The following ERICH2 variants were observed in gnomAD, a reference collection of about 807,000 sequenced individuals.
The protein encoded by ERICH2 is glutamate-rich protein 2.
Under a neutral mutation model 17.4 loss-of-function variants are expected in ERICH2, and 17 were observed. That is an observed-to-expected ratio of 0.98 (90% confidence interval 0.67 to 1.47). The LOEUF (loss-of-function observed/expected upper bound fraction) is 1.47, where lower values mean the gene tolerates loss of function less well. Ranked by LOEUF, ERICH2 falls within the 40% of genes most tolerant of loss-of-function variation. ERICH2 has a pLI of 0.00. For missense variants in ERICH2, 186 were observed against 183.2 expected (o/e 1.01, Z -0.09); for synonymous variants, 51 against 61.1 (o/e 0.83, Z 0.77).
upstream of ERICH2, among the ~76,000 whole-genome samples, chr2:170,782,088 A>T (rs749195116): frequency 3.3e-5 from 5 of 151,796 alleles, no homozygotes; most frequent in South Asian, 8.3e-4. Context: ...AATAATTTGT[A>T]ATGCTTTTCC....
At chr2:170,770,829 GCCCGC>G in the ERICH2 span, 5 of 130,318 alleles carry the variant, frequency 3.8e-5, no homozygotes, top group Non-Finnish European at 6.6e-5. Flanking sequence ...CAGCTCGGCC[GCCCGC>G]CCCGCCCCGC....
upstream of ERICH2, chr2:170,779,955 T>A (rs2105681305): frequency 2.0e-6 from 1 of 489,684 alleles, no homozygotes; most frequent in Admixed American, 6.4e-5. Flanking sequence ...ATGACAAAGT[T>A]TAAAATAGAA....
At chr2:170,786,334 C>T (rs1407366928) in intron 2 of ERICH2, among the ~76,000 whole-genome samples, 3 of 151,702 alleles carry the variant, frequency 2.0e-5, no homozygotes, top group East Asian at 1.9e-4. Context: ...GGGCTTTGAA[C>T]GGTTGCTTCA....
At chr2:170,786,869 A>T (rs574918180) in intron 2 of ERICH2, among the ~76,000 whole-genome samples, 2 of 152,226 alleles carry the variant, frequency 1.3e-5, no homozygotes, top group African/African-American at 4.8e-5. Context: ...TTCTGTCATC[A>T]TCATGTTCAT....
At position 170,793,707 on chromosome 2, in the gene ERICH2, T is replaced by C. The variant is rs373154141; in HGVS notation, c.274+787T>C. 6.3e-4 allele frequency among the ~76,000 whole-genome samples: 96 copies of C among 152,360 alleles called. No individual in the cohort carries two copies. The South Asian group carries it at 0.019, about 31-fold the overall frequency. On this transcript the variant is annotated intron_variant, in intron 3 of 4. Transcript: ENST00000409885. The stretch of plus-strand genomic sequence containing the variant: ...GGTTGTCAGATTGCATAGGCTCTGT[T>C]CTTTCCCTGAGGTGGGAAAACCACT...
the ERICH2 span, among the ~76,000 whole-genome samples, chr2:170,776,145 G>A: frequency 1.2e-4 from 19 of 152,098 alleles, no homozygotes; most frequent in African/African-American, 4.1e-4. Context: ...TACACTATAC[G>A]AAAATCAGTC....
chr2:170,784,343 A>C (rs4668317), intron 1 of ERICH2, among the ~76,000 whole-genome samples: 99,812 of 151,952 alleles, frequency 0.66, 33,042 homozygotes, highest in East Asian at 0.78. Context: ...AGAATATGGA[A>C]TCTAGGGCCA....
chr2:170,777,095 A>C, the ERICH2 span: 1 of 154,742 alleles, frequency 6.5e-6, no homozygotes, highest in Non-Finnish European at 1.5e-5. Context: ...TTGTATTTTA[A>C]ATCTATATAA....
At chr2:170,780,817 C>G (rs918919104), upstream of ERICH2, among the ~76,000 whole-genome samples, 2 of 152,228 alleles carry the variant, frequency 1.3e-5, no homozygotes, top group South Asian at 4.1e-4. Flanking sequence ...GACATCAAAG[C>G]CCTTTTATGT....
upstream of ERICH2, among the ~76,000 whole-genome samples, chr2:170,781,588 G>A (rs917705475): frequency 2.2e-4 from 33 of 150,690 alleles, no homozygotes; most frequent in Non-Finnish European, 2.2e-4. Flanking sequence ...AGCCGAGATC[G>A]CGTCACAGCA....
chr2:170,792,741 T>C (rs1701318932), intron 2 of ERICH2, 122 bp from the exon 8 acceptor site: 2 of 615,326 alleles, frequency 3.3e-6, no homozygotes, highest in Admixed American at 3.0e-5. Context: ...ATAGACTGAC[T>C]CCTGGAAAAA....
chr2:170,790,500 G>A (rs1178929279), intron 2 of ERICH2, among the ~76,000 whole-genome samples: 6 of 152,182 alleles, frequency 3.9e-5, no homozygotes, highest in Admixed American at 6.5e-5. Flanking sequence ...GGTGGCAGGC[G>A]CCTATAATCC....
intron 2 of ERICH2, among the ~76,000 whole-genome samples, chr2:170,791,717 T>A (rs1281565532): frequency 2.4e-5 from 2 of 82,780 alleles, no homozygotes; most frequent in Non-Finnish European, 3.1e-5. Flanking sequence ...TAAAATAAAA[T>A]AAAAATAAAA....
At chr2:170,798,689 AG>A in intron 4 of ERICH2, 80 bp from the exon 10 acceptor site, 1 of 1,496,164 alleles carries the variant, frequency 6.7e-7, no homozygotes, top group Non-Finnish European at 9.0e-7. Context: ...ATTTCTTGGT[AG>A]AGGGAGGGGC....
At position 170,798,224 on chromosome 2, in the gene ERICH2, G is replaced by C. The variant is rs1701476599; in HGVS notation, c.346+112G>C. 10 of 731,930 alleles carry C rather than the reference G, an allele frequency of 1.4e-5. No homozygotes were observed. In the South Asian group the frequency reaches 1.7e-4, roughly 12 times the overall value. The allele number at this position is 731,930 out of a possible 1,614,324, so 45.3% of individuals were successfully genotyped here. A position where few individuals can be genotyped will look rare whatever the true frequency, so the allele number is the denominator to read the frequency against. On this transcript the variant is annotated intron_variant, in intron 4 of 4. Transcript: ENST00000409885. Reference sequence around the variant, plus strand: ...CATCTTTAGGAAGTGGTTAAGAAAAGGCTAAATGGCTGTCTTAAATGGTTT... The same window carrying C: ...CATCTTTAGGAAGTGGTTAAGAAAACGCTAAATGGCTGTCTTAAATGGTTT...
At chr2:170,776,418 C>T in the ERICH2 span, among the ~76,000 whole-genome samples, 1 of 152,192 alleles carries the variant, frequency 6.6e-6, no homozygotes, top group African/African-American at 2.4e-5. Context: ...CGCTCTGTTG[C>T]CCAGGCTGGA....
In ERICH2 at chr2:170,784,574, AT is replaced by A. The variant is rs1317545919; in HGVS notation, c.29-71del. ...TAATATATCAGTTTAATGAATAGTA[AT>A]AGGATCTGGCAAAATTTAATTTGCG... On this transcript the variant is annotated intron_variant, in intron 1 of 4. Transcript: ENST00000409885. 4.6e-6 allele frequency: 4 copies of A among 866,964 alleles called. No homozygotes were observed. In the African/African-American group the frequency reaches 6.9e-5, roughly 15 times the overall value. The allele number at this position is 866,964 out of a possible 1,614,324, so 53.7% of individuals were successfully genotyped here.
chr2:170,773,266 G>A, the ERICH2 span, among the ~76,000 whole-genome samples: 1 of 152,226 alleles, frequency 6.6e-6, no homozygotes, highest in African/African-American at 2.4e-5. Flanking sequence ...CCCAAAGTTA[G>A]TTTAGCCTAT....
chr2:170,794,111 T>TC (rs1559256282), intron 3 of ERICH2, among the ~76,000 whole-genome samples: 10 of 131,176 alleles, frequency 7.6e-5, no homozygotes, highest in Non-Finnish European at 7.8e-5. Context: ...CTTTCTTTTT[T>TC]TTTTTTTTTT....
Sources: gnomAD v4.1 joint callset for allele counts (sites outside exome capture counted in the v4.1 genomes callset) on GRCh38, gnomAD v4.1.1 for gene constraint, MANE v1.5 for transcripts, NCBI Gene and HGNC (gene_info 2026-07-23, HGNC 2026-07-21) for gene names.